LRRC4C: variants seen among roughly 807,000 people sequenced by gnomAD.
The protein encoded by LRRC4C is leucine-rich repeat-containing protein 4C.
A neutral mutation model predicts 33.6 loss-of-function variants in LRRC4C; 5 were observed. The ratio of observed to expected loss-of-function variants is 0.15; its 90% CI spans 0.08 to 0.31. The LOEUF (loss-of-function observed/expected upper bound fraction) is 0.31, where lower values mean the gene tolerates loss of function less well. LRRC4C is among the 10% of genes least tolerant of loss of function. The pLI, the probability that LRRC4C is intolerant of heterozygous loss-of-function variation, is 1.00. For synonymous variants in LRRC4C, 329 were observed against 302.0 expected, an observed-to-expected ratio of 1.09 and a Z score of -0.93; for missense variants, 560 against 796.7, an observed-to-expected ratio of 0.70 and a Z score of 3.58.
intron 2 of LRRC4C, among the ~76,000 whole-genome samples, chr11:40,897,030 G>T (rs1385998706): frequency 6.6e-6 from 1 of 152,158 alleles, no homozygotes; most frequent in Non-Finnish European, 1.5e-5. Context: ...ATTTAGTAAT[G>T]AAAATTTCTA....
Position 41,459,480 on chromosome 11 carries a change from G to A in LRRC4C, c.-545C>T, listed in dbSNP as rs1956270052. On this transcript the variant is annotated 5_prime_UTR_variant, in exon 1 of 7. Coordinates refer to ENST00000528697, the MANE Select transcript of LRRC4C (RefSeq NM_001258419.2). ...ACCAAGGAAAATTTACAATCCTCTA[G>A]CTTGCCGTGCACTACTCTATTTTCT... 1 of 151,920 alleles carries A rather than the reference G, an allele frequency of 6.6e-6. No homozygotes were observed. Among genetic ancestry groups the A allele is most frequent in the Non-Finnish European group, 1.5e-5 (1 of 68,006 alleles). The allele number at this position is 151,920 out of a possible 1,614,324, so 9.4% of individuals were successfully genotyped here.
intron 1 of LRRC4C, among the ~76,000 whole-genome samples, chr11:41,183,444 C>A (rs540239930): frequency 1.3e-5 from 2 of 152,108 alleles, no homozygotes; most frequent in Non-Finnish European, 2.9e-5. Context: ...GGGCTACAGG[C>A]CCCAGGGAAG....
intron 2 of LRRC4C, among the ~76,000 whole-genome samples, chr11:40,879,425 G>T (rs766610366): frequency 6.6e-6 from 1 of 152,230 alleles, no homozygotes; most frequent in Middle Eastern, 3.4e-3. Context: ...TCTAACAGGC[G>T]ACAGCAGAAG....
intron 3 of LRRC4C, among the ~76,000 whole-genome samples, chr11:40,437,478 CT>C (rs1951191929): frequency 1.3e-5 from 2 of 151,614 alleles, no homozygotes; most frequent in Admixed American, 6.6e-5. Context: ...ACTGTAGCCT[CT>C]GCCCGCCATG....
At chr11:40,911,608 G>A (rs970344903) in intron 2 of LRRC4C, among the ~76,000 whole-genome samples, 6 of 152,126 alleles carry the variant, frequency 3.9e-5, no homozygotes, top group Admixed American at 2.6e-4. Flanking sequence ...CAACAGAGCA[G>A]AAAAACTGAA....
At chr11:41,374,774 C>A (rs1261696911) in intron 1 of LRRC4C, among the ~76,000 whole-genome samples, 1 of 152,000 alleles carries the variant, frequency 6.6e-6, no homozygotes, top group African/African-American at 2.4e-5. Flanking sequence ...AGGAAAATAA[C>A]ATTTTTTCTT....
chr11:41,212,098 G>A (rs1283970937), intron 1 of LRRC4C, among the ~76,000 whole-genome samples: 1 of 152,198 alleles, frequency 6.6e-6, no homozygotes, highest in East Asian at 1.9e-4. Flanking sequence ...GAGTGGAGGG[G>A]AATGGGGAAG....
intron 3 of LRRC4C, among the ~76,000 whole-genome samples, chr11:40,591,451 C>T (rs568406557): frequency 1.2e-4 from 18 of 152,198 alleles, no homozygotes; most frequent in African/African-American, 3.4e-4. Context: ...GCATCACTCA[C>T]GCTGGGAGCT....
chr11:40,565,259 G>A (rs1184459056), intron 3 of LRRC4C, among the ~76,000 whole-genome samples: 2 of 152,150 alleles, frequency 1.3e-5, no homozygotes, highest in Admixed American at 1.3e-4. Flanking sequence ...ATAAGAGACA[G>A]ACTGTGGCTG....
Position 40,648,013 on chromosome 11 carries a change from A to G in LRRC4C, c.-270+129T>C, listed in dbSNP as rs527531390. ...CATATGCTGGCATCCACATGTGTAC[A>G]TTCGGGAGGGAAAAGAAGCTGTCAG... On this transcript the variant is annotated intron_variant, in intron 3 of 6. Transcript: ENST00000528697. 2.0e-5 allele frequency: 3 copies of G among 152,338 alleles called. No homozygotes were observed. The South Asian group carries it at 6.2e-4, about 32-fold the overall frequency. The allele number at this position is 152,338 out of a possible 1,614,324, so 9.4% of individuals were successfully genotyped here.
chr11:40,818,646 C>T (rs1159385758), intron 2 of LRRC4C, among the ~76,000 whole-genome samples: 2 of 151,784 alleles, frequency 1.3e-5, no homozygotes, highest in East Asian at 1.9e-4. Context: ...ATTTTAAGAC[C>T]AATATTCTAT....
At position 40,952,896 on chromosome 11, in the gene LRRC4C, A is replaced by ACACT. The variant is rs1156767689; in HGVS notation, c.-495-19174_-495-19173insAGTG. Among the ~76,000 whole-genome samples the ACACT allele has an allele frequency of 4.5e-3, 313 of 70,206 alleles. 3 individuals carry two copies. The highest frequency in any genetic ancestry group is 0.014 in the African/African-American group (293 of 20,360). The allele number at this position is 70,206 out of a possible 152,430, so 46.1% of individuals were successfully genotyped here. Reference sequence around the variant, plus strand: ...CACACACACACACACACACACACACACTCTCTCTCTCTCTCTCTCTCTCTC... The same window carrying ACACT: ...CACACACACACACACACACACACACACACTCTCTCTCTCTCTCTCTCTCTCTCTC... On this transcript the variant is annotated intron_variant, in intron 1 of 6. Coordinates refer to ENST00000528697, the MANE Select transcript of LRRC4C (RefSeq NM_001258419.2).
Position 40,620,058 on chromosome 11 carries a change from G to GGA in LRRC4C, c.-270+28083_-270+28084insTC, listed in dbSNP as rs374849259. ...TGAAGTTTAAAAGGAAAAAATACCTGAAAAAAAAAAAAAAAAAGAATGAGC... is the reference window on the plus strand; with the variant it reads ...TGAAGTTTAAAAGGAAAAAATACCTGGAAAAAAAAAAAAAAAAAAGAATGAGC... On this transcript the variant is annotated intron_variant, in intron 3 of 6. Transcript: ENST00000528697. 1.6e-3 allele frequency among the ~76,000 whole-genome samples: 218 copies of GGA among 133,648 alleles called. 1 individual carries two copies. The highest frequency in any genetic ancestry group is 5.2e-3 in the Admixed American group (68 of 13,014). The allele number at this position is 133,648 out of a possible 152,430, so 87.7% of individuals were successfully genotyped here. A position where few individuals can be genotyped will look rare whatever the true frequency, so the allele number is the denominator to read the frequency against.
intron 3 of LRRC4C, among the ~76,000 whole-genome samples, chr11:40,612,618 T>C (rs1961344932): frequency 6.6e-6 from 1 of 151,946 alleles, no homozygotes; most frequent in Admixed American, 6.6e-5. Flanking sequence ...CATAAAAATA[T>C]GGTAAATACA....
At chr11:41,340,385 A>G (rs1951591085) in intron 1 of LRRC4C, among the ~76,000 whole-genome samples, 2 of 152,284 alleles carry the variant, frequency 1.3e-5, no homozygotes, top group South Asian at 4.1e-4. Context: ...AATTTTCATG[A>G]GAGTATATGG....
chr11:40,466,211 A>G (rs916623283), intron 3 of LRRC4C, among the ~76,000 whole-genome samples: 7 of 152,074 alleles, frequency 4.6e-5, no homozygotes, highest in African/African-American at 1.4e-4. Flanking sequence ...AAGCTAAATA[A>G]TGTGTACACA....
intron 3 of LRRC4C, among the ~76,000 whole-genome samples, chr11:40,558,179 T>C (rs1027518512): frequency 6.6e-6 from 1 of 152,216 alleles, no homozygotes; most frequent in Non-Finnish European, 1.5e-5. Context: ...GAGCATACAA[T>C]TTATGAGTCA....
At position 40,347,721 on chromosome 11, in the gene LRRC4C, G is replaced by T. The variant is rs1947199732; in HGVS notation, c.-269-28000C>A. On this transcript the variant is annotated intron_variant, in intron 3 of 6. Transcript: ENST00000528697. The stretch of plus-strand genomic sequence containing the variant: ...CCTCCGGGGTTCGAGCGATTCTCCT[G>T]CCTCAGCCTCCTGAGTAGCTGGGAT... Among the ~76,000 whole-genome samples, 4 of 152,276 alleles carry T rather than the reference G, an allele frequency of 2.6e-5. 1 individual carries two copies. The South Asian group carries it at 8.3e-4, about 32-fold the overall frequency.
chr11:40,834,020 C>T (rs1258578708), intron 2 of LRRC4C, among the ~76,000 whole-genome samples: 1 of 152,020 alleles, frequency 6.6e-6, no homozygotes, highest in African/African-American at 2.4e-5. Context: ...TATATGTGTA[C>T]ACACCAAACC....
Sources: allele counts gnomAD v4.1 joint callset (sites outside exome capture counted in the v4.1 genomes callset), GRCh38; gene constraint gnomAD v4.1.1; transcripts MANE v1.5; gene names NCBI Gene and HGNC (gene_info 2026-07-23, HGNC 2026-07-21).